The following PALM2AKAP2 variants were observed in gnomAD, a reference collection of about 807,000 sequenced individuals.
PALM2AKAP2 encodes PALM2 and AKAP2 fusion.
PALM2AKAP2 carries 37 observed loss-of-function variants against 71.5 expected under a neutral mutation model. The observed-to-expected ratio is 0.52, with a 90% CI of 0.40 to 0.68. PALM2AKAP2 has a LOEUF of 0.68. PALM2AKAP2 is among the 30% of genes least tolerant of loss of function. The pLI is 0.00. For missense variants in PALM2AKAP2, 1,224 were observed against 1,191.8 expected, an observed-to-expected ratio of 1.03 and a Z score of -0.40; for synonymous variants, 468 against 478.8, an observed-to-expected ratio of 0.98 and a Z score of 0.29.
intron 6 of PALM2AKAP2, among the ~76,000 whole-genome samples, chr9:109,994,314 T>C (rs914694906): frequency 2.0e-5 from 3 of 152,150 alleles, no homozygotes; most frequent in Non-Finnish European, 4.4e-5. Context: ...TATGGATACA[T>C]CCCAAAAGAC....
chr9:110,005,805 G>C (rs1832768423), intron 6 of PALM2AKAP2, among the ~76,000 whole-genome samples: 1 of 152,234 alleles, frequency 6.6e-6, no homozygotes, highest in Non-Finnish European at 1.5e-5. Flanking sequence ...GAGGCTCTGT[G>C]GGTGTGGGAC....
chr9:109,843,348 A>G (rs529864204), intron 1 of PALM2AKAP2, among the ~76,000 whole-genome samples: 1 of 151,562 alleles, frequency 6.6e-6, no homozygotes, highest in Admixed American at 6.6e-5. Context: ...TGAATTAAAG[A>G]AAGATTTACA....
intron 1 of PALM2AKAP2, among the ~76,000 whole-genome samples, chr9:110,102,827 T>A (rs485940): frequency 0.8 from 122,140 of 152,170 alleles, 49,093 homozygotes; most frequent in East Asian, 0.95. Flanking sequence ...CTTTTCAGAC[T>A]CTTCTTCCTC....
exon 2 of PALM2AKAP2, chr9:110,136,542 C>G (rs1835873837): frequency 6.2e-7 from 1 of 1,613,468 alleles, no homozygotes; most frequent in Admixed American, 1.7e-5. Context: ...CAGCCAGAAC[C>G]CACTGAAAGA....
intron 1 of PALM2AKAP2, among the ~76,000 whole-genome samples, chr9:109,653,849 C>T (rs1313431315): frequency 2.6e-5 from 4 of 152,178 alleles, no homozygotes; most frequent in East Asian, 1.9e-4. Flanking sequence ...TCATAGTAGG[C>T]GAGTCTGATG....
intron 1 of PALM2AKAP2, among the ~76,000 whole-genome samples, chr9:110,076,513 G>GTATATATATTCTACATATATATATA (rs1258256647): frequency 1.3e-5 from 1 of 76,706 alleles, no homozygotes; most frequent in African/African-American, 8.1e-5. Context: ...ATATATATAG[G>GTATATATATTCTACATATATATATA]TATATATACC....
At chr9:109,867,164 CTGTG>C (rs56194780) in intron 1 of PALM2AKAP2, 51,491 of 394,010 alleles carry the variant, frequency 0.13, 1,805 homozygotes, top group African/African-American at 0.16. Flanking sequence ...ACATGGTTCT[CTGTG>C]TGTGTGTGTG....
intron 2 of PALM2AKAP2, among the ~76,000 whole-genome samples, chr9:110,146,362 C>G (rs903506169): frequency 6.6e-6 from 1 of 152,138 alleles, no homozygotes; most frequent in Non-Finnish European, 1.5e-5. Context: ...GCTGATTGTG[C>G]TGGGTCTTCA....
In PALM2AKAP2 at chr9:109,730,411, C is replaced by A. The variant is rs16914437; in HGVS notation, c.6-50077C>A. On this transcript the variant is annotated intron_variant, in intron 1 of 6. Transcript: ENST00000374531. The stretch of plus-strand genomic sequence containing the variant: ...GTGATGAAACATTTCTAGAAGTTGG[C>A]AGGGTCCTCCGTGCTGGTTTTATAG... Among the ~76,000 whole-genome samples the A allele has an allele frequency of 5.1e-3, 772 of 152,306 alleles. 10 individuals are homozygous for A. The highest frequency in any genetic ancestry group is 0.017 in the African/African-American group (718 of 41,566).
At chr9:109,864,645 C>T (rs1829398798) in intron 1 of PALM2AKAP2, among the ~76,000 whole-genome samples, 1 of 152,192 alleles carries the variant, frequency 6.6e-6, no homozygotes, top group Admixed American at 6.5e-5. Context: ...AACACAGCCA[C>T]ACTCATTCAT....
At chr9:109,803,865 G>C (rs1330101047) in intron 1 of PALM2AKAP2, among the ~76,000 whole-genome samples, 1 of 152,228 alleles carries the variant, frequency 6.6e-6, no homozygotes, top group Admixed American at 6.5e-5. Flanking sequence ...GAGGTTAACT[G>C]TCATCTAAAC....
rs530006387 is a variant in PALM2AKAP2 at position 109,900,083 on chromosome 9, A to G, written c.257+19402A>G. 2.6e-5 allele frequency among the ~76,000 whole-genome samples: 4 copies of G among 152,334 alleles called. No individual in the cohort carries two copies. The East Asian group carries it at 5.8e-4, about 22-fold the overall frequency. On this transcript the variant is annotated intron_variant, in intron 3 of 9. Transcript: ENST00000302798. ...AAACAATGACAAAAGTGCAGATGACATGCCCATGGATACTCTGGACATAAA... is the reference window on the plus strand; with the variant it reads ...AAACAATGACAAAAGTGCAGATGACGTGCCCATGGATACTCTGGACATAAA...
At chr9:109,667,057 G>A (rs1223531051) in intron 1 of PALM2AKAP2, among the ~76,000 whole-genome samples, 1 of 152,148 alleles carries the variant, frequency 6.6e-6, no homozygotes. Flanking sequence ...TAAGTACCAG[G>A]ATTCAGTGGA....
intron 2 of PALM2AKAP2, among the ~76,000 whole-genome samples, chr9:110,138,797 C>T (rs547046302): frequency 3.9e-5 from 6 of 152,314 alleles, no homozygotes; most frequent in African/African-American, 1.2e-4. Flanking sequence ...CTGCTTTGGC[C>T]TTGGTTTATT....
At chr9:109,662,252 A>G (rs993974321) in intron 1 of PALM2AKAP2, among the ~76,000 whole-genome samples, 1 of 152,204 alleles carries the variant, frequency 6.6e-6, no homozygotes, top group African/African-American at 2.4e-5. Flanking sequence ...GCCAGTTTTC[A>G]AAGGGAATGC....
chr9:110,002,615 C>A (rs1832701235), intron 6 of PALM2AKAP2, among the ~76,000 whole-genome samples: 1 of 152,102 alleles, frequency 6.6e-6, no homozygotes, highest in Non-Finnish European at 1.5e-5. Flanking sequence ...GGTACTAGCT[C>A]CTCTTTGTAC....
chr9:109,724,442 A>C (rs574188744), intron 1 of PALM2AKAP2, among the ~76,000 whole-genome samples: 1 of 152,324 alleles, frequency 6.6e-6, no homozygotes, highest in African/African-American at 2.4e-5. Context: ...AACTTGAAAA[A>C]CCAATAAAAA....
In PALM2AKAP2 at chr9:110,125,773, T is replaced by C. The variant is rs1195140649; in HGVS notation, c.157-10354T>C. ...AGCTCAGACTGGTGTCTTGCTTCTC[T>C]CTCTCTTTTTTTTTTTTTTGCAAAT... On this transcript the variant is annotated intron_variant, in intron 1 of 3. Transcript: ENST00000374525. 2.8e-5 allele frequency among the ~76,000 whole-genome samples: 4 copies of C among 141,568 alleles called. No homozygotes were observed. The South Asian group carries it at 6.6e-4, about 23-fold the overall frequency. The allele number at this position is 141,568 out of a possible 152,430, so 92.9% of individuals were successfully genotyped here.
chr9:110,169,900 AGGAGT>A (rs1836817108), exon 4 of PALM2AKAP2: 1 of 152,576 alleles, frequency 6.6e-6, no homozygotes, highest in Non-Finnish European at 1.5e-5. Context: ...TGCTGGCTTC[AGGAGT>A]GGAGTGAGAA....
Sources: gnomAD v4.1 joint callset for allele counts (sites outside exome capture counted in the v4.1 genomes callset) on GRCh38, gnomAD v4.1.1 for gene constraint, MANE v1.5 for transcripts, NCBI Gene and HGNC (gene_info 2026-07-23, HGNC 2026-07-21) for gene names.